Variants in HNF4A observed in about 807,000 individuals in gnomAD.
The protein encoded by HNF4A is hepatocyte nuclear factor 4-alpha.
Under a neutral mutation model 52.4 loss-of-function variants are expected in HNF4A, and 15 were observed. The observed-to-expected ratio is 0.29, with a 90% CI of 0.19 to 0.44. The LOEUF (loss-of-function observed/expected upper bound fraction) is 0.44. HNF4A is among the 20% of genes least tolerant of loss of function. HNF4A has a pLI of 1.00. For missense variants in HNF4A, 479 were observed against 647.2 expected (o/e 0.74, Z 2.82); for synonymous variants, 280 against 264.4 (o/e 1.06, Z -0.57).
At chr20:44,409,341 G>C (rs2063548284) in intron 3 of HNF4A, among the ~76,000 whole-genome samples, 1 of 152,216 alleles carries the variant, frequency 6.6e-6, no homozygotes, top group Non-Finnish European at 1.5e-5. Flanking sequence ...CCTGATGCAT[G>C]TGTGAACAGT....
At chr20:44,387,727 A>G (rs1473190446) in intron 1 of HNF4A, among the ~76,000 whole-genome samples, 3 of 150,556 alleles carry the variant, frequency 2.0e-5, no homozygotes, top group Admixed American at 2.0e-4. Context: ...GGTTTAAAAA[A>G]AAAAAAAGGG....
intron 1 of HNF4A, chr20:44,389,765 T>C (rs898363344): frequency 6.6e-6 from 1 of 152,182 alleles, no homozygotes; most frequent in African/African-American, 2.4e-5. Context: ...TAAACGATGA[T>C]GATGTAAAGC....
In HNF4A at chr20:44,365,230, A is replaced by G. The variant is rs991437403; in HGVS notation, c.49+9377A>G. Among the ~76,000 whole-genome samples the G allele has an allele frequency of 7.9e-5, 12 of 152,114 alleles. 1 individual carries two copies. Among genetic ancestry groups the G allele is most frequent in the Middle Eastern group, 6.8e-3 (2 of 294 alleles). On this transcript the variant is annotated intron_variant, in intron 1 of 9. Transcript: ENST00000316673. ...TCTGTCATGTGGGCTACAGTGAGCC[A>G]CAATCATGGTTCACTGCAGCCTCAA...
chr20:44,378,834 G>A (rs951572584), intron 1 of HNF4A, among the ~76,000 whole-genome samples: 8 of 150,864 alleles, frequency 5.3e-5, no homozygotes, highest in Non-Finnish European at 1.2e-4. Flanking sequence ...CAGGAGACTC[G>A]CTTGAACCCG....
chr20:44,390,443 A>G, intron 1 of HNF4A: 1 of 563,552 alleles, frequency 1.8e-6, no homozygotes, highest in Non-Finnish European at 3.2e-6. Context: ...AATTCCTTGC[A>G]TGGATCCTGG....
intron 1 of HNF4A, among the ~76,000 whole-genome samples, chr20:44,358,208 A>G (rs2083565757): frequency 6.7e-6 from 1 of 150,144 alleles, no homozygotes; most frequent in Admixed American, 6.7e-5. Flanking sequence ...CACATGTTTT[A>G]TCTGTAAAAT....
At position 44,413,764 on chromosome 20, in the gene HNF4A, C is replaced by T; in HGVS notation, c.456C>T (p.Ile152=). Reference sequence around the variant, plus strand: ...ATGAGGACAGCAGCCTGCCCTCCATCAATGCGCTCCTGCAGGCGGAGGTCC... The same window carrying T: ...ATGAGGACAGCAGCCTGCCCTCCATTAATGCGCTCCTGCAGGCGGAGGTCC... Residue 152 remains isoleucine (I), a synonymous_variant, in exon 4 of 10, where the codon ATC becomes ATT. Transcript: ENST00000316099. 6.2e-7 allele frequency: 1 copy of T among 1,613,782 alleles called. No individual in the cohort carries two copies. Among genetic ancestry groups the T allele is most frequent in the Non-Finnish European group, 8.5e-7 (1 of 1,179,818 alleles).
intron 1 of HNF4A, among the ~76,000 whole-genome samples, chr20:44,362,136 G>A (rs2062923560): frequency 6.6e-6 from 1 of 151,866 alleles, no homozygotes; most frequent in Non-Finnish European, 1.5e-5. Flanking sequence ...GGCTGGGCAT[G>A]GTGGCTTATT....
At chr20:44,373,532 C>T (rs1184992145) in intron 1 of HNF4A, among the ~76,000 whole-genome samples, 1 of 151,890 alleles carries the variant, frequency 6.6e-6, no homozygotes, top group Non-Finnish European at 1.5e-5. Flanking sequence ...CTACCATGAA[C>T]CTGCTTTAGT....
At chr20:44,376,028 C>T (rs188805001) in intron 1 of HNF4A, among the ~76,000 whole-genome samples, 1 of 152,218 alleles carries the variant, frequency 6.6e-6, no homozygotes, top group East Asian at 1.9e-4. Flanking sequence ...AGGCGGATCA[C>T]GAGGTTAAGA....
intron 1 of HNF4A, among the ~76,000 whole-genome samples, chr20:44,404,575 C>T (rs1048991172): frequency 6.7e-5 from 10 of 150,198 alleles, no homozygotes; most frequent in African/African-American, 1.5e-4. Context: ...TATGTGTGCA[C>T]ACATTTGTAT....
chr20:44,397,281 G>A (rs967048067), upstream of HNF4A, among the ~76,000 whole-genome samples: 2 of 152,042 alleles, frequency 1.3e-5, no homozygotes, highest in South Asian at 2.1e-4. Context: ...ACTGGAGGGC[G>A]TTATGAAGTT....
intron 1 of HNF4A, among the ~76,000 whole-genome samples, chr20:44,360,405 A>G (rs1216611787): frequency 6.6e-6 from 1 of 152,022 alleles, no homozygotes; most frequent in African/African-American, 2.4e-5. Flanking sequence ...TTATGGGTGG[A>G]TGGTTGGGTG....
intron 1 of HNF4A, chr20:44,402,564 CG>C: frequency 7.3e-7 from 1 of 1,365,268 alleles, no homozygotes; most frequent in South Asian, 1.1e-5. Flanking sequence ...ATTTTGTTGC[CG>C]CTGCGTCTCG....
intron 1 of HNF4A, among the ~76,000 whole-genome samples, chr20:44,384,210 C>T (rs2063192182): frequency 7.3e-6 from 1 of 136,648 alleles, no homozygotes. Context: ...GGTCCAGAGG[C>T]TTTGAAAGGC....
At chr20:44,359,265 G>A (rs927009951) in intron 1 of HNF4A, among the ~76,000 whole-genome samples, 8 of 152,162 alleles carry the variant, frequency 5.3e-5, no homozygotes, top group Admixed American at 2.6e-4. Flanking sequence ...CCTCCTCACT[G>A]CGTTGTCTTT....
At chr20:44,400,777 A>G (rs2063397191), upstream of HNF4A, among the ~76,000 whole-genome samples, 1 of 152,234 alleles carries the variant, frequency 6.6e-6, no homozygotes, top group Non-Finnish European at 1.5e-5. Flanking sequence ...AGCTCCCAGA[A>G]CAAGGATCCA....
At chr20:44,362,418 TAAAA>T (rs36103037) in intron 1 of HNF4A, among the ~76,000 whole-genome samples, 24 of 104,170 alleles carry the variant, frequency 2.3e-4, no homozygotes, top group African/African-American at 3.4e-4. Flanking sequence ...AAACTTGTCT[TAAAA>T]AAAAAAAAAA....
chr20:44,386,788 G>A (rs1366477477), intron 1 of HNF4A, among the ~76,000 whole-genome samples: 1 of 152,108 alleles, frequency 6.6e-6, no homozygotes, highest in Non-Finnish European at 1.5e-5. Context: ...AAGAAACCCT[G>A]GTTAGCCATT....
Sources: gnomAD v4.1 joint callset for allele counts (sites outside exome capture counted in the v4.1 genomes callset) on GRCh38, gnomAD v4.1.1 for gene constraint, MANE v1.5 for transcripts, NCBI Gene and HGNC (gene_info 2026-07-23, HGNC 2026-07-21) for gene names.